Variants in FER observed in about 807,000 individuals in gnomAD.
FER encodes the protein tyrosine-protein kinase Fer.
A neutral mutation model predicts 111.0 loss-of-function variants in FER; 63 were observed. The observed-to-expected ratio is 0.57, with a 90% CI of 0.46 to 0.70. FER has a LOEUF of 0.70. FER is among the 30% of genes least tolerant of loss of function. The pLI is 0.00. For synonymous variants in FER, 327 were observed against 313.9 expected (o/e 1.04, Z -0.44); for missense variants, 914 against 954.0 (o/e 0.96, Z 0.55).
Position 109,116,532 on chromosome 5 carries a change from C to T in FER, c.2048+16013C>T, listed in dbSNP as rs150124591. ...TATGTCATCTAAAATGTTAAGGAAT[C>T]AATGATTCTTTCAGTTCTAAAGCCC... On this transcript the variant is annotated intron_variant, in intron 17 of 19. Transcript: ENST00000281092. Among the ~76,000 whole-genome samples the T allele has an allele frequency of 4.9e-3, 746 of 152,050 alleles. 8 individuals carry two copies. The highest frequency in any genetic ancestry group is 0.017 in the African/African-American group (702 of 41,502).
chr5:108,834,730 G>A (rs1241885225), intron 4 of FER, among the ~76,000 whole-genome samples: 2 of 150,438 alleles, frequency 1.3e-5, no homozygotes, highest in African/African-American at 4.9e-5. Flanking sequence ...TTTGGTATCA[G>A]ACTTTTACCA....
intron 17 of FER, among the ~76,000 whole-genome samples, chr5:109,124,829 G>C (rs1242724348): frequency 6.6e-6 from 1 of 152,016 alleles, no homozygotes; most frequent in Non-Finnish European, 1.5e-5. Flanking sequence ...GGTGGATCAC[G>C]AGGTCAGGAG....
chr5:108,986,744 T>C (rs936424404), intron 13 of FER, among the ~76,000 whole-genome samples: 3 of 152,186 alleles, frequency 2.0e-5, no homozygotes, highest in African/African-American at 4.8e-5. Context: ...TTGTTGAAGA[T>C]CAGTTGACTG....
intron 16 of FER, among the ~76,000 whole-genome samples, chr5:109,069,163 A>T (rs72792517): frequency 0.038 from 5,767 of 152,288 alleles, 130 homozygotes; most frequent in Middle Eastern, 0.13. Flanking sequence ...AAAATCATAC[A>T]AATACAATAC....
intron 16 of FER, among the ~76,000 whole-genome samples, chr5:109,090,135 G>A (rs781723945): frequency 6.6e-6 from 1 of 152,162 alleles, no homozygotes. Context: ...ATCACTGGGG[G>A]CACTGAGAAC....
At chr5:109,063,466 A>G (rs1561846885) in intron 16 of FER, among the ~76,000 whole-genome samples, 1 of 152,214 alleles carries the variant, frequency 6.6e-6, no homozygotes, top group Non-Finnish European at 1.5e-5. Context: ...TAGAAAGGAT[A>G]AATTGAGCCA....
chr5:108,848,856 T>C (rs1339349860), intron 5 of FER, among the ~76,000 whole-genome samples: 1 of 152,124 alleles, frequency 6.6e-6, no homozygotes, highest in Non-Finnish European at 1.5e-5. Context: ...GTAATGTAGG[T>C]CTGCAAGTAA....
chr5:108,767,112 TG>T (rs1392872311), intron 1 of FER, among the ~76,000 whole-genome samples: 2 of 152,146 alleles, frequency 1.3e-5, no homozygotes, highest in African/African-American at 4.8e-5. Context: ...GAGACCAGCC[TG>T]ACCAACATGG....
chr5:108,883,435 G>C lies in FER; in HGVS notation c.963G>C (p.Gln321His), dbSNP rs1288538932. ...TLAEELMQTQQMLLNKEEAVL... is the reference protein window; with the variant it reads ...TLAEELMQTQHMLLNKEEAVL... ...CGGAAGAACTTATGCAAACACAGCAGATGCTTTTAAACAAGGAGGAGGCTG... is the reference window on the plus strand; with the variant it reads ...CGGAAGAACTTATGCAAACACAGCACATGCTTTTAAACAAGGAGGAGGCTG... The change falls in exon 9 of 20, where the codon CAG becomes CAC. Residue 321 changes from glutamine (Q) to histidine (H), a missense_variant. By Grantham distance (24) the Gln-to-His change is conservative (BLOSUM62 0). This residue lies in a region of FER where 774 missense variants were observed against 782.6 expected (regional missense o/e 0.99). Coordinates refer to ENST00000281092, the MANE Select transcript of FER (RefSeq NM_005246.4). 1.2e-6 allele frequency: 2 copies of C among 1,609,248 alleles called. No homozygotes were observed. The highest frequency in any genetic ancestry group is 1.7e-6 in the Non-Finnish European group (2 of 1,176,844).
At chr5:108,771,735 A>G (rs543113119) in intron 2 of FER, among the ~76,000 whole-genome samples, 1 of 152,348 alleles carries the variant, frequency 6.6e-6, no homozygotes, top group South Asian at 2.1e-4. Context: ...ATATTTATAT[A>G]TGTAAAAAAT....
At chr5:109,037,764 T>C (rs1212892880) in intron 14 of FER, among the ~76,000 whole-genome samples, 1 of 151,936 alleles carries the variant, frequency 6.6e-6, no homozygotes, top group East Asian at 1.9e-4. Context: ...TGCAGTAAAG[T>C]CAAAACTAGT....
At chr5:109,141,973 T>A (rs1753569662) in intron 17 of FER, among the ~76,000 whole-genome samples, 1 of 152,202 alleles carries the variant, frequency 6.6e-6, no homozygotes, top group African/African-American at 2.4e-5. Context: ...TTGGACTTCA[T>A]GGCCTGTTCT....
At chr5:109,168,991 T>C (rs1756827557) in intron 17 of FER, among the ~76,000 whole-genome samples, 1 of 152,198 alleles carries the variant, frequency 6.6e-6, no homozygotes, top group African/African-American at 2.4e-5. Flanking sequence ...GTCTGCAAGT[T>C]AGTAAAAGCA....
intron 17 of FER, among the ~76,000 whole-genome samples, chr5:109,166,291 T>C (rs1002628127): frequency 2.0e-5 from 3 of 152,040 alleles, no homozygotes; most frequent in African/African-American, 7.2e-5. Flanking sequence ...TTGTAACTCA[T>C]AACAAGCCGG....
chr5:109,006,555 G>A (rs1187624153), intron 13 of FER, among the ~76,000 whole-genome samples: 1 of 152,138 alleles, frequency 6.6e-6, no homozygotes, highest in African/African-American at 2.4e-5. Context: ...TTTATTAGCA[G>A]TGTGAGAATA....
In FER at chr5:109,194,710, A is replaced by G. The variant is rs1759614917; in HGVS notation, c.*7135A>G. 1 of 152,238 alleles carries G rather than the reference A, an allele frequency of 6.6e-6. No homozygotes were observed. Among genetic ancestry groups the G allele is most frequent in the South Asian group, 2.1e-4 (1 of 4,832 alleles). The allele number at this position is 152,238 out of a possible 1,614,324, so 9.4% of individuals were successfully genotyped here. A position where few individuals can be genotyped will look rare whatever the true frequency, so the allele number is the denominator to read the frequency against. The stretch of plus-strand genomic sequence containing the variant: ...GTGGGAAACGTCGGCGTTCTGAGCA[A>G]CACAGGATAAATGTAGGAGGGCCTT... On this transcript the variant is annotated 3_prime_UTR_variant, in exon 20 of 20. Transcript: ENST00000281092.
intron 17 of FER, among the ~76,000 whole-genome samples, chr5:109,172,957 A>G (rs1757300883): frequency 6.6e-6 from 1 of 152,208 alleles, no homozygotes; most frequent in Non-Finnish European, 1.5e-5. Context: ...AGAAAGGTCC[A>G]CTTGGGTTTT....
chr5:109,042,530 G>A (rs767965731), intron 14 of FER, among the ~76,000 whole-genome samples: 14 of 152,164 alleles, frequency 9.2e-5, no homozygotes, highest in Admixed American at 6.6e-5. Context: ...CCTGACCACC[G>A]TTGATAAAGT....
At chr5:108,769,112 C>G (rs1752627778) in intron 2 of FER, among the ~76,000 whole-genome samples, 3 of 152,140 alleles carry the variant, frequency 2.0e-5, no homozygotes, top group Non-Finnish European at 2.9e-5. Flanking sequence ...CAGGCGTGAG[C>G]TACTGTGCCT....
Sources: gnomAD v4.1 joint callset for allele counts (sites outside exome capture counted in the v4.1 genomes callset) on GRCh38, gnomAD v4.1.1 for gene constraint, gnomAD v4.1.1 regional missense constraint, MANE v1.5 for transcripts, NCBI Gene and HGNC (gene_info 2026-07-23, HGNC 2026-07-21) for gene names.